FAM131A: variants seen among roughly 807,000 people sequenced by gnomAD.
FAM131A encodes the protein family with sequence similarity 131 member A.
A neutral mutation model predicts 39.2 loss-of-function variants in FAM131A; 24 were observed. The ratio of observed to expected loss-of-function variants is 0.61; its 90% CI spans 0.44 to 0.86. FAM131A has a LOEUF of 0.86. Among genes scored for constraint, FAM131A ranks in the 40% least tolerant of loss-of-function variants. FAM131A has a pLI of 0.00. For synonymous variants in FAM131A, 202 were observed against 206.8 expected (o/e 0.98, Z 0.20); for missense variants, 373 against 481.2 (o/e 0.78, Z 2.10).
chr3:184,336,698 A>G (rs537680593), upstream of FAM131A, among the ~76,000 whole-genome samples: 1 of 152,326 alleles, frequency 6.6e-6, no homozygotes, highest in African/African-American at 2.4e-5. This position sits in a 1 kb window ranked among gnomAD's most constrained non-coding sequence, Gnocchi z 5.5. Context: ...ACCTGTGAAC[A>G]CTGAATCACC....
chr3:184,343,731 C>T (rs1727484223), intron 5 of FAM131A, among the ~76,000 whole-genome samples: 1 of 152,212 alleles, frequency 6.6e-6, no homozygotes, highest in African/African-American at 2.4e-5. Context: ...TACTTTGACC[C>T]CTGGGGTAAT....
rs775077047 is a variant in FAM131A at position 184,342,796 on chromosome 3, G to A, written c.561G>A (p.Ser187=). 5.6e-5 allele frequency: 90 copies of A among 1,613,894 alleles called. 1 individual carries two copies. Among genetic ancestry groups the A allele is most frequent in the African/African-American group, 1.1e-4 (8 of 74,924 alleles). The change falls in exon 5 of 6, where the codon TCG becomes TCA. Residue 187 remains serine, a synonymous_variant. Transcript: ENST00000383847. The surrounding 1 kb of genome is among the most constrained non-coding windows in gnomAD (Gnocchi z 4.6). ...AAGCCAAGCTCCGAGCATGGTCTTC[G>A]GTGGATGGCGAGGACTCCACTGATG... ...IAEAKLRAWS[S]VDGEDSTDDS... is the part of the protein sequence containing the mutation.
In FAM131A at chr3:184,345,400, G is replaced by T. The variant is rs1260535385; in HGVS notation, c.*430G>T. 3.2e-6 allele frequency: 2 copies of T among 632,194 alleles called. No individual in the cohort carries two copies. The highest frequency in any genetic ancestry group is 3.5e-5 in the South Asian group (2 of 56,758). The allele number at this position is 632,194 out of a possible 1,614,324, so 39.2% of individuals were successfully genotyped here. A position where few individuals can be genotyped will look rare whatever the true frequency, so the allele number is the denominator to read the frequency against. On this transcript the variant is annotated 3_prime_UTR_variant, in exon 6 of 6. Coordinates refer to ENST00000383847, the MANE Select transcript of FAM131A (RefSeq NM_144635.5). The stretch of plus-strand genomic sequence containing the variant: ...CTTCTCTGCTTTTCTTCTCACTTCC[G>T]AGTCCATGTGCAGTGCTTGATAGAA...
Position 184,342,993 on chromosome 3 carries a change from G to A in FAM131A, c.625+133G>A. 1 of 711,124 alleles carries A rather than the reference G, an allele frequency of 1.4e-6. No homozygotes were observed. Among genetic ancestry groups the A allele is most frequent in the Non-Finnish European group, 2.4e-6 (1 of 410,032 alleles). The allele number at this position is 711,124 out of a possible 1,614,324, so 44.1% of individuals were successfully genotyped here. ...GGACAGACTCAGTCCAGGCAGGCCT[G>A]GACACTCCAGGGACAGGAAGGCTGT... is the stretch of plus-strand genomic sequence containing the variant. On this transcript the variant is annotated intron_variant, in intron 5 of 5. Coordinates refer to ENST00000383847, the MANE Select transcript of FAM131A (RefSeq NM_144635.5). This position sits in a 1 kb window ranked among gnomAD's most constrained non-coding sequence, Gnocchi z 4.6.
Position 184,337,725 on chromosome 3 carries a change from C to T in FAM131A, c.88+7C>T. 3 of 1,536,916 alleles carry T rather than the reference C, an allele frequency of 2.0e-6. No homozygotes were observed. In the Admixed American group the frequency reaches 5.9e-5, roughly 30 times the overall value. On this transcript the variant is annotated splice_region_variant and intron_variant, in intron 1 of 5. Coordinates refer to ENST00000383847, the MANE Select transcript of FAM131A (RefSeq NM_144635.5). ...TGTCAGACAAGTCGCAGAGGTGAGA[C>T]CAGGGATCATGGATGTGATCTGGGA...
In FAM131A at chr3:184,342,335, TCTCA is replaced by T. The variant is rs1158738272; in HGVS notation, c.508+91_508+94del. 1 of 1,434,520 alleles carries T rather than the reference TCTCA, an allele frequency of 7.0e-7. No individual in the cohort carries two copies. Among genetic ancestry groups the T allele is most frequent in the African/African-American group, 1.4e-5 (1 of 69,804 alleles). The allele number at this position is 1,434,520 out of a possible 1,614,324, so 88.9% of individuals were successfully genotyped here. On this transcript the variant is annotated intron_variant, in intron 4 of 5. Coordinates refer to ENST00000383847, the MANE Select transcript of FAM131A (RefSeq NM_144635.5). The surrounding 1 kb of genome is among the most constrained non-coding windows in gnomAD (Gnocchi z 4.6). ...TATTTAATTTTTTTTTGAGACGGAG[TCTCA>T]CTCTGTCGCCCAGGCTGGAGTGCAG...
In FAM131A at chr3:184,345,503, G is replaced by C; in HGVS notation, c.*533G>C. 1 of 703,042 alleles carries C rather than the reference G, an allele frequency of 1.4e-6. No homozygotes were observed. The highest frequency in any genetic ancestry group is 2.6e-6 in the Non-Finnish European group (1 of 384,994). The allele number at this position is 703,042 out of a possible 1,614,324, so 43.6% of individuals were successfully genotyped here. ...GCCGTCCCTCAAGGGCCCCTGCCCA[G>C]CTGGGCTCGTGCTGTGCTTCATTCA... On this transcript the variant is annotated 3_prime_UTR_variant, in exon 6 of 6. Transcript: ENST00000383847.
intron 5 of FAM131A, 29 bp from the exon 6 acceptor site, chr3:184,344,466 G>A: frequency 6.6e-7 from 1 of 1,510,064 alleles, no homozygotes; most frequent in Non-Finnish European, 8.9e-7. Context: ...GAGCCAGCAG[G>A]ACTGTCTTCT....
Position 184,342,657 on chromosome 3 carries a change from A to C in FAM131A, c.509-87A>C. Reference sequence around the variant, plus strand: ...CTGACATGGGGGTTGGAGTCTTCCCATACCCTGTTTCTCCTCTCTCCTGTC... The same window carrying C: ...CTGACATGGGGGTTGGAGTCTTCCCCTACCCTGTTTCTCCTCTCTCCTGTC... On this transcript the variant is annotated intron_variant, in intron 4 of 5. Transcript: ENST00000383847. The surrounding 1 kb of genome is among the most constrained non-coding windows in gnomAD (Gnocchi z 4.6). The C allele has an allele frequency of 8.2e-7, 1 of 1,221,506 alleles. No homozygotes were observed. The highest frequency in any genetic ancestry group is 1.2e-6 in the Non-Finnish European group (1 of 851,710). The allele number at this position is 1,221,506 out of a possible 1,614,324, so 75.7% of individuals were successfully genotyped here.
chr3:184,336,985 C>T (rs1727144474), upstream of FAM131A, among the ~76,000 whole-genome samples: 1 of 152,222 alleles, frequency 6.6e-6, no homozygotes, highest in Non-Finnish European at 1.5e-5. This position sits in a 1 kb window ranked among gnomAD's most constrained non-coding sequence, Gnocchi z 5.5. Context: ...GGGTCCTGGA[C>T]CTTCAGGGCA....
In FAM131A at chr3:184,345,109, G is replaced by A. The variant is rs1727580470; in HGVS notation, c.*139G>A. On this transcript the variant is annotated 3_prime_UTR_variant, in exon 6 of 6. Transcript: ENST00000383847. The stretch of plus-strand genomic sequence containing the variant: ...CTGGGAGCGCTCGCTTCTCCGTTGT[G>A]TGTTTTGCATGAAAGTGTTTGGAGA... 1 of 833,632 alleles carries A rather than the reference G, an allele frequency of 1.2e-6. No individual in the cohort carries two copies. Among genetic ancestry groups the A allele is most frequent in the Non-Finnish European group, 1.8e-6 (1 of 555,094 alleles). 51.6% of individuals were successfully genotyped at this position (833,632 alleles called of 1,614,324 possible).
chr3:184,341,987 T>G (rs13434353), intron 3 of FAM131A, 79 bp from the exon 4 acceptor site: 11 of 1,572,736 alleles, frequency 7.0e-6, no homozygotes, highest in Non-Finnish European at 9.6e-6. Flanking sequence ...TCCTAACTAC[T>G]GCCACCCTTC....
chr3:184,344,377 C>T (rs1727521495), intron 5 of FAM131A, 118 bp from the exon 6 acceptor site: 2 of 962,794 alleles, frequency 2.1e-6, no homozygotes, highest in Non-Finnish European at 3.1e-6. Context: ...TTCAAGGTTA[C>T]CCAGCACCTA....
chr3:184,338,485 A>G lies in FAM131A; in HGVS notation c.187A>G (p.Arg63Gly). 6.5e-7 allele frequency: 1 copy of G among 1,536,240 alleles called. No individual in the cohort carries two copies. Among genetic ancestry groups the G allele is most frequent in the Non-Finnish European group, 8.7e-7 (1 of 1,146,486 alleles). Residue 63 changes from arginine to glycine, a missense_variant, in exon 2 of 6, where the codon AGG (arginine) becomes GGG (glycine). By Grantham distance (125) the Arg-to-Gly change is moderately radical (BLOSUM62 -2). Coordinates refer to ENST00000383847, the MANE Select transcript of FAM131A (RefSeq NM_144635.5). ...TGCTCGAACCCTCCGAGGCTGGAGCAGGTCCTCCCGCCCTTCCTCGGTGGA... is the reference window on the plus strand; with the variant it reads ...TGCTCGAACCCTCCGAGGCTGGAGCGGGTCCTCCCGCCCTTCCTCGGTGGA... Reference protein sequence around the residue: ...GSARTLRGWSRSSRPSSVDSQ... With the variant: ...GSARTLRGWSGSSRPSSVDSQ...
Position 184,342,687 on chromosome 3 carries a change from A to G in FAM131A, c.509-57A>G, listed in dbSNP as rs746248453. ...CTGTTTCTCCTCTCTCCTGTCTTCA[A>G]GCTGAGCCCTAGACTTAGCTCACCT... is the stretch of plus-strand genomic sequence containing the variant. On this transcript the variant is annotated intron_variant, in intron 4 of 5. Coordinates refer to ENST00000383847, the MANE Select transcript of FAM131A (RefSeq NM_144635.5). The surrounding 1 kb of genome is among the most constrained non-coding windows in gnomAD (Gnocchi z 4.6). 4.7e-6 allele frequency: 7 copies of G among 1,493,520 alleles called. No individual in the cohort carries two copies. The highest frequency in any genetic ancestry group is 6.5e-6 in the Non-Finnish European group (7 of 1,078,252). 92.5% of individuals were successfully genotyped at this position (1,493,520 alleles called of 1,614,324 possible).
intron 2 of FAM131A, 37 bp from the exon 3 acceptor site, chr3:184,341,687 T>C (rs900545415): frequency 1.3e-6 from 2 of 1,571,106 alleles, no homozygotes; most frequent in African/African-American, 1.3e-5. Flanking sequence ...GTCATTGCTG[T>C]CAGAGGGGCA....
Position 184,342,914 on chromosome 3 carries a change from A to G in FAM131A, c.625+54A>G. On this transcript the variant is annotated intron_variant, in intron 5 of 5. Transcript: ENST00000383847. This position sits in a 1 kb window ranked among gnomAD's most constrained non-coding sequence, Gnocchi z 4.6. Reference sequence around the variant, plus strand: ...GTGGACCCACCTGATAGACCTTGGCATTCTTTCAGAGCCACATCCAGAACA... The same window carrying G: ...GTGGACCCACCTGATAGACCTTGGCGTTCTTTCAGAGCCACATCCAGAACA... 6.9e-7 allele frequency: 1 copy of G among 1,453,608 alleles called. No individual in the cohort carries two copies. The highest frequency in any genetic ancestry group is 1.7e-4 in the Middle Eastern group (1 of 5,740). 90.0% of individuals were successfully genotyped at this position (1,453,608 alleles called of 1,614,324 possible).
At chr3:184,336,872 C>T (rs1028656756), upstream of FAM131A, among the ~76,000 whole-genome samples, 6 of 152,208 alleles carry the variant, frequency 3.9e-5, no homozygotes, top group African/African-American at 7.2e-5. The surrounding 1 kb of genome is among the most constrained non-coding windows in gnomAD (Gnocchi z 5.5). Flanking sequence ...CCATGCACAC[C>T]GGGCCTGGCC....
At position 184,345,985 on chromosome 3, in the gene FAM131A, G is replaced by T. The variant is rs891355655; in HGVS notation, c.*1015G>T. 4 of 241,036 alleles carry T rather than the reference G, an allele frequency of 1.7e-5. No individual in the cohort carries two copies. In the Admixed American group the frequency reaches 2.1e-4, roughly 12 times the overall value. 14.9% of individuals were successfully genotyped at this position (241,036 alleles called of 1,614,324 possible). On this transcript the variant is annotated 3_prime_UTR_variant, in exon 6 of 6. Coordinates refer to ENST00000383847, the MANE Select transcript of FAM131A (RefSeq NM_144635.5). ...CTTTCTGTCTGAATGAAAGGCCAAG[G>T]CTACAGTACAGGGCCCCACCCCAGC...
Sources: allele counts gnomAD v4.1 joint callset (sites outside exome capture counted in the v4.1 genomes callset), GRCh38; gene constraint gnomAD v4.1.1; non-coding constraint Gnocchi (gnomAD v3.1); transcripts MANE v1.5; gene names NCBI Gene and HGNC (gene_info 2026-07-23, HGNC 2026-07-21).